The following MARCHF1 variants were observed in gnomAD, a reference collection of about 807,000 sequenced individuals.
MARCHF1 encodes the protein membrane associated ring-CH-type finger 1, also known as E3 ubiquitin-protein ligase MARCHF1.
In MARCHF1, 40 loss-of-function variants were observed where a neutral mutation model predicts 54.2. The observed-to-expected ratio is 0.74, with a 90% CI of 0.57 to 0.96. MARCHF1 has a LOEUF of 0.96. Among genes scored for constraint, MARCHF1 ranks in the 40% least tolerant of loss-of-function variants. The pLI is 0.00. For missense variants in MARCHF1, 586 were observed against 656.5 expected, an observed-to-expected ratio of 0.89 and a Z score of 1.17; for synonymous variants, 236 against 236.3, an observed-to-expected ratio of 1.00 and a Z score of 0.01.
intron 1 of MARCHF1, among the ~76,000 whole-genome samples, chr4:164,375,817 G>A (rs925845281): frequency 2.6e-5 from 4 of 152,084 alleles, no homozygotes; most frequent in Non-Finnish European, 4.4e-5. Context: ...CCAACAGTAG[G>A]ACCTTGAGCA....
intron 2 of MARCHF1, among the ~76,000 whole-genome samples, chr4:164,051,805 T>C (rs1233555126): frequency 6.6e-6 from 1 of 152,228 alleles, no homozygotes; most frequent in Non-Finnish European, 1.5e-5. Context: ...CAGAAGTCTT[T>C]AGAGTTAGCA....
At chr4:164,236,464 C>T (rs894257367) in intron 1 of MARCHF1, among the ~76,000 whole-genome samples, 1 of 150,782 alleles carries the variant, frequency 6.6e-6, no homozygotes, top group Admixed American at 6.6e-5. Flanking sequence ...TTTGGCACTA[C>T]GATGGGGCCA....
At chr4:164,034,068 C>CAT (rs1753939631) in intron 2 of MARCHF1, among the ~76,000 whole-genome samples, 1 of 110,064 alleles carries the variant, frequency 9.1e-6, no homozygotes, top group Non-Finnish European at 2.2e-5. Flanking sequence ...ATGTGATAGA[C>CAT]AGATAGATAG....
intron 2 of MARCHF1, among the ~76,000 whole-genome samples, chr4:164,007,644 CTCTG>C (rs1201154829): frequency 0.02 from 2,068 of 101,574 alleles, 48 homozygotes; most frequent in East Asian, 0.15. Context: ...CTCTCTCTCT[CTCTG>C]TGTGTGTGTG....
At chr4:163,603,020 A>G (rs1253126245) in intron 7 of MARCHF1, among the ~76,000 whole-genome samples, 4 of 152,116 alleles carry the variant, frequency 2.6e-5, no homozygotes, top group Non-Finnish European at 2.9e-5. Flanking sequence ...TACTATGTTC[A>G]AGGATGTGAT....
intron 2 of MARCHF1, among the ~76,000 whole-genome samples, chr4:164,000,330 A>C (rs1753162030): frequency 6.6e-6 from 1 of 151,768 alleles, no homozygotes; most frequent in African/African-American, 2.4e-5. Flanking sequence ...ATGAAAAGAT[A>C]AGTGTTCAGC....
intron 5 of MARCHF1, among the ~76,000 whole-genome samples, chr4:163,692,910 G>A (rs1312508965): frequency 1.3e-5 from 2 of 151,346 alleles, no homozygotes; most frequent in African/African-American, 4.9e-5. Flanking sequence ...TATCTGGCAT[G>A]TGGTATGAGG....
At chr4:163,629,550 G>A (rs1741995418) in intron 5 of MARCHF1, among the ~76,000 whole-genome samples, 1 of 152,136 alleles carries the variant, frequency 6.6e-6, no homozygotes, top group Admixed American at 6.6e-5. Context: ...AGCGAAAATT[G>A]ACAAATGGGA....
intron 2 of MARCHF1, among the ~76,000 whole-genome samples, chr4:164,027,758 T>C (rs185150748): frequency 5.9e-5 from 9 of 151,940 alleles, no homozygotes; most frequent in Admixed American, 2.6e-4. Context: ...GTGAGACCTA[T>C]AAAGAGTTTC....
At chr4:164,064,625 T>A (rs1489032306) in intron 2 of MARCHF1, among the ~76,000 whole-genome samples, 1 of 152,182 alleles carries the variant, frequency 6.6e-6, no homozygotes, top group Non-Finnish European at 1.5e-5. Context: ...TCTTCCCATT[T>A]GGATGCCCTT....
chr4:164,145,610 C>T (rs1421339634), intron 1 of MARCHF1, among the ~76,000 whole-genome samples: 1 of 152,124 alleles, frequency 6.6e-6, no homozygotes, highest in Non-Finnish European at 1.5e-5. Context: ...AGGCCTTCGA[C>T]AAAATTCAAC....
intron 5 of MARCHF1, among the ~76,000 whole-genome samples, chr4:163,691,547 T>C (rs1744458056): frequency 6.6e-6 from 1 of 152,110 alleles, no homozygotes; most frequent in African/African-American, 2.4e-5. Context: ...CAGAGCAGCA[T>C]AAGTGCTGGA....
intron 4 of MARCHF1, among the ~76,000 whole-genome samples, chr4:163,772,749 C>T (rs1046744634): frequency 1.7e-4 from 4 of 24,200 alleles, no homozygotes; most frequent in African/African-American, 2.9e-4. Context: ...TAGGCTAGGG[C>T]GTTCAAATAA....
chr4:164,231,951 T>A (rs1732425376), intron 1 of MARCHF1, among the ~76,000 whole-genome samples: 2 of 152,142 alleles, frequency 1.3e-5, no homozygotes, highest in South Asian at 2.1e-4. Context: ...CCTAGTCATA[T>A]CATAAACAAA....
At chr4:163,850,395 C>T (rs1184207220) in intron 4 of MARCHF1, among the ~76,000 whole-genome samples, 1 of 152,188 alleles carries the variant, frequency 6.6e-6, no homozygotes, top group Non-Finnish European at 1.5e-5. Flanking sequence ...TGTTACTCTT[C>T]TGTATGAGTG....
chr4:164,203,668 C>A (rs1560952621), intron 1 of MARCHF1, among the ~76,000 whole-genome samples: 1 of 152,094 alleles, frequency 6.6e-6, no homozygotes, highest in African/African-American at 2.4e-5. Flanking sequence ...TAATGTTTGA[C>A]CAAATATGGG....
chr4:163,942,789 T>C (rs1177786608), intron 3 of MARCHF1, among the ~76,000 whole-genome samples: 2 of 152,090 alleles, frequency 1.3e-5, no homozygotes, highest in Non-Finnish European at 2.9e-5. Flanking sequence ...ACAAAAAAAG[T>C]CTCCCTTATA....
chr4:164,132,420 G>C lies in MARCHF1; in HGVS notation c.-322-20758C>G, dbSNP rs144040930. 1.3e-3 allele frequency among the ~76,000 whole-genome samples: 193 copies of C among 152,136 alleles called. 2 individuals carry two copies. In the East Asian group the frequency reaches 0.036, roughly 28 times the overall value. On this transcript the variant is annotated intron_variant, in intron 1 of 9. Transcript: ENST00000514618. Reference sequence around the variant, plus strand: ...TTAATTAAATGTAGATGTTTGATTAGATCATGGTTGACATTGTTGGCAAGA... The same window carrying C: ...TTAATTAAATGTAGATGTTTGATTACATCATGGTTGACATTGTTGGCAAGA...
intron 5 of MARCHF1, among the ~76,000 whole-genome samples, chr4:163,632,102 T>A (rs1177025440): frequency 6.6e-6 from 1 of 152,308 alleles, no homozygotes. Context: ...TTGGTGAGGA[T>A]GTGGAGAAAT....
Sources: gnomAD v4.1 joint callset for allele counts (sites outside exome capture counted in the v4.1 genomes callset) on GRCh38, gnomAD v4.1.1 for gene constraint, MANE v1.5 for transcripts, NCBI Gene and HGNC (gene_info 2026-07-23, HGNC 2026-07-21) for gene names.